The following CPXM2 variants were observed in gnomAD, a reference collection of about 807,000 sequenced individuals.
The protein encoded by CPXM2 is inactive carboxypeptidase-like protein X2.
CPXM2 carries 66 observed loss-of-function variants against 86.1 expected under a neutral mutation model. That is an observed-to-expected ratio of 0.77 (90% CI 0.63 to 0.94). CPXM2 has a LOEUF of 0.94. Ranked by LOEUF, CPXM2 falls within the 40% of genes least tolerant of loss-of-function variation. The pLI, the probability that CPXM2 is intolerant of heterozygous loss-of-function variation, is 0.00. For missense variants in CPXM2, 948 were observed against 1,026.3 expected (o/e 0.92, Z 1.04); for synonymous variants, 388 against 400.2 (o/e 0.97, Z 0.36).
intron 3 of CPXM2, among the ~76,000 whole-genome samples, chr10:123,861,743 G>T (rs1848852890): frequency 6.6e-6 from 1 of 152,196 alleles, no homozygotes; most frequent in South Asian, 2.1e-4. Flanking sequence ...GAAGAAAATT[G>T]ATTCTCCCTA....
intron 10 of CPXM2, among the ~76,000 whole-genome samples, chr10:123,763,247 C>G (rs1031412286): frequency 3.3e-5 from 5 of 152,102 alleles, no homozygotes; most frequent in African/African-American, 1.2e-4. Context: ...ACCATGTTGG[C>G]CAGGATGGTC....
intron 2 of CPXM2, among the ~76,000 whole-genome samples, chr10:123,875,082 A>C (rs1944958742): frequency 6.6e-6 from 1 of 152,216 alleles, no homozygotes; most frequent in African/African-American, 2.4e-5. Flanking sequence ...AGACATGTCT[A>C]CTGTAGGCTA....
chr10:123,824,293 G>A (rs970978821), intron 4 of CPXM2, among the ~76,000 whole-genome samples: 25 of 152,084 alleles, frequency 1.6e-4, no homozygotes, highest in Non-Finnish European at 7.4e-5. Flanking sequence ...TTTTCAGATG[G>A]ACTTTAAAGA....
intron 4 of CPXM2, among the ~76,000 whole-genome samples, chr10:123,841,723 G>T (rs2134153484): frequency 6.6e-6 from 1 of 152,344 alleles, no homozygotes; most frequent in East Asian, 1.9e-4. Context: ...TTCACTGTAT[G>T]CATATGTCAT....
intron 6 of CPXM2, among the ~76,000 whole-genome samples, chr10:123,789,002 G>A (rs1280406631): frequency 6.6e-6 from 1 of 151,952 alleles, no homozygotes; most frequent in African/African-American, 2.4e-5. Flanking sequence ...CCCACCCAAG[G>A]AGCAGCTGCC....
At chr10:123,927,140 C>A (rs574429427) in intron 2 of CPXM2, among the ~76,000 whole-genome samples, 3 of 152,182 alleles carry the variant, frequency 2.0e-5, no homozygotes, top group African/African-American at 7.2e-5. Flanking sequence ...ACAGGGGTCC[C>A]CTCATGCATG....
Position 123,891,279 on chromosome 10 carries a change from G to A in CPXM2, c.304+77C>T, listed in dbSNP as rs1311717525. The A allele has an allele frequency of 8.1e-7, 1 of 1,231,624 alleles. No individual in the cohort carries two copies. The highest frequency in any genetic ancestry group is 1.1e-6 in the Non-Finnish European group (1 of 906,148). The allele number at this position is 1,231,624 out of a possible 1,614,324, so 76.3% of individuals were successfully genotyped here. A position where few individuals can be genotyped will look rare whatever the true frequency, so the allele number is the denominator to read the frequency against. ...CTGGCCCATCCCAGACACACACAAT[G>A]GGAGAAGCCAGTTGTCCCCTGGAGG... On this transcript the variant is annotated intron_variant, in intron 1 of 13. Coordinates refer to ENST00000241305, the MANE Select transcript of CPXM2 (RefSeq NM_198148.3). This position sits in a 1 kb window ranked among gnomAD's most constrained non-coding sequence, Gnocchi z 5.6.
At chr10:123,914,636 CT>C (rs1304561806) in intron 2 of CPXM2, among the ~76,000 whole-genome samples, 1 of 152,206 alleles carries the variant, frequency 6.6e-6, no homozygotes, top group Non-Finnish European at 1.5e-5. Flanking sequence ...AGCCAGAAGC[CT>C]GGCACCCGGG....
Position 123,753,858 on chromosome 10 carries a change from G to A in CPXM2, c.2017+805C>T, listed in dbSNP as rs1395617092. Reference sequence around the variant, plus strand: ...GAATTTTGTACCCTCCATTCAAAAGGGAATCACGCGTACTAACCCTGACTA... The same window carrying A: ...GAATTTTGTACCCTCCATTCAAAAGAGAATCACGCGTACTAACCCTGACTA... On this transcript the variant is annotated intron_variant, in intron 13 of 13. Transcript: ENST00000241305. Among the ~76,000 whole-genome samples the A allele has an allele frequency of 2.0e-5, 3 of 152,244 alleles. No homozygotes were observed. The East Asian group carries it at 5.8e-4, about 29-fold the overall frequency.
chr10:123,840,960 G>T (rs975559731), intron 4 of CPXM2, among the ~76,000 whole-genome samples: 1 of 152,188 alleles, frequency 6.6e-6, no homozygotes, highest in Non-Finnish European at 1.5e-5. Flanking sequence ...TTGCCAACAA[G>T]TAATCAGTAA....
chr10:123,778,982 T>C (rs770449751), intron 7 of CPXM2, among the ~76,000 whole-genome samples: 6 of 152,198 alleles, frequency 3.9e-5, no homozygotes, highest in African/African-American at 7.2e-5. Flanking sequence ...TTAGATCACA[T>C]CAAGACAAAC....
intron 4 of CPXM2, among the ~76,000 whole-genome samples, chr10:123,808,352 CAAACAA>C (rs1271898994): frequency 1.4e-5 from 2 of 140,344 alleles, no homozygotes; most frequent in African/African-American, 6.1e-5. Context: ...TCCAATTGGG[CAAACAA>C]AAACAACAAC....
At chr10:123,859,865 C>T (rs540796129) in intron 3 of CPXM2, among the ~76,000 whole-genome samples, 4 of 152,304 alleles carry the variant, frequency 2.6e-5, no homozygotes, top group East Asian at 3.9e-4. Context: ...GCCAGGAAGA[C>T]GAAGTGAGGA....
intron 3 of CPXM2, among the ~76,000 whole-genome samples, chr10:123,853,124 T>C (rs574166411): frequency 3.5e-4 from 54 of 152,232 alleles, no homozygotes; most frequent in African/African-American, 9.4e-4. Flanking sequence ...TGTTTAAATG[T>C]GTGTGGCACC....
At chr10:123,816,717 C>A (rs1847821385) in intron 4 of CPXM2, among the ~76,000 whole-genome samples, 1 of 152,250 alleles carries the variant, frequency 6.6e-6, no homozygotes, top group Non-Finnish European at 1.5e-5. Flanking sequence ...CCACCAGAAG[C>A]AATTTGTCTT....
chr10:123,904,306 G>GT (rs1564818816), intron 2 of CPXM2, among the ~76,000 whole-genome samples: 1 of 152,128 alleles, frequency 6.6e-6, no homozygotes, highest in Non-Finnish European at 1.5e-5. Context: ...TTGTGCTGAT[G>GT]TTTGAGTAAG....
chr10:123,901,113 A>G (rs1210926977), intron 2 of CPXM2, among the ~76,000 whole-genome samples: 1 of 152,202 alleles, frequency 6.6e-6, no homozygotes, highest in African/African-American at 2.4e-5. Context: ...TAATATAAAT[A>G]CCCTTACACA....
chr10:123,872,153 G>A (rs75535894), intron 2 of CPXM2, among the ~76,000 whole-genome samples: 6,145 of 152,226 alleles, frequency 0.04, 168 homozygotes, highest in East Asian at 0.11. Context: ...AGTACTTAGT[G>A]ATACACTGTG....
intron 2 of CPXM2, among the ~76,000 whole-genome samples, chr10:123,923,559 C>A (rs1476982882): frequency 2.0e-5 from 3 of 148,986 alleles, no homozygotes; most frequent in East Asian, 4.0e-4. Context: ...CCAGCCTGGG[C>A]GACAGAGCGA....
Sources: gnomAD v4.1 joint callset for allele counts (sites outside exome capture counted in the v4.1 genomes callset) on GRCh38, gnomAD v4.1.1 for gene constraint, Gnocchi (gnomAD v3.1) non-coding constraint, MANE v1.5 for transcripts, NCBI Gene and HGNC (gene_info 2026-07-23, HGNC 2026-07-21) for gene names.